ROCK1: variants seen among roughly 807,000 people sequenced by gnomAD.
The protein encoded by ROCK1 is Rho associated coiled-coil containing protein kinase 1.
ROCK1 carries 36 observed loss-of-function variants against 196.8 expected under a neutral mutation model. The ratio of observed to expected loss-of-function variants is 0.18; its 90% CI spans 0.14 to 0.24. The LOEUF (loss-of-function observed/expected upper bound fraction) is 0.24. ROCK1 is among the 10% of genes least tolerant of loss of function. The pLI is 1.00. For synonymous variants in ROCK1, 443 were observed against 515.9 expected, an observed-to-expected ratio of 0.86 and a Z score of 1.91; for missense variants, 920 against 1,562.0, an observed-to-expected ratio of 0.59 and a Z score of 6.93.
intron 20 of ROCK1, 133 bp downstream of exon 20, chr18:20,984,218 T>C (rs192342308): frequency 1.3e-4 from 89 of 666,024 alleles, no homozygotes; most frequent in East Asian, 1.1e-3. Flanking sequence ...TAAATTCTTT[T>C]ACTTCTAAAT....
intron 32 of ROCK1, among the ~76,000 whole-genome samples, chr18:20,952,805 G>T (rs2035203261): frequency 6.6e-6 from 1 of 151,752 alleles, no homozygotes; most frequent in Non-Finnish European, 1.5e-5. Flanking sequence ...AGGGGGTCAT[G>T]AGTTCACATC....
chr18:21,051,935 T>C (rs1004500961), intron 2 of ROCK1, among the ~76,000 whole-genome samples: 7 of 152,176 alleles, frequency 4.6e-5, no homozygotes, highest in African/African-American at 1.2e-4. Flanking sequence ...AGGAAATACG[T>C]AGAAGATGAG....
chr18:21,089,356 G>A (rs558447228), intron 1 of ROCK1, among the ~76,000 whole-genome samples: 10 of 152,198 alleles, frequency 6.6e-5, no homozygotes, highest in South Asian at 2.1e-4. Flanking sequence ...CACCGCAGCC[G>A]GCCTAAAACT....
At chr18:21,077,254 T>C (rs2036441205) in intron 1 of ROCK1, among the ~76,000 whole-genome samples, 1 of 151,818 alleles carries the variant, frequency 6.6e-6, no homozygotes, top group South Asian at 2.1e-4. Context: ...ATTACAGGCG[T>C]GAGCCACCGC....
chr18:20,959,531 T>A (rs1391570836), intron 29 of ROCK1, among the ~76,000 whole-genome samples: 1 of 151,178 alleles, frequency 6.6e-6, no homozygotes, highest in Non-Finnish European at 1.5e-5. Context: ...ATATTTTCTA[T>A]CCACAGTTGT....
Position 21,095,303 on chromosome 18 carries a change from T to C in ROCK1, c.93+15515A>G, listed in dbSNP as rs180882474. 1.5e-3 allele frequency among the ~76,000 whole-genome samples: 227 copies of C among 151,968 alleles called. 1 individual carries two copies. The highest frequency in any genetic ancestry group is 5.3e-3 in the African/African-American group (218 of 41,446). On this transcript the variant is annotated intron_variant, in intron 1 of 32. Transcript: ENST00000399799. ...ACCACTATGGAGAACAGTTTGGCGG[T>C]TCTTCAAAGAACTAATCAAACTACC...
chr18:20,963,786 G>A (rs754268929), intron 27 of ROCK1, among the ~76,000 whole-genome samples: 6 of 152,094 alleles, frequency 3.9e-5, no homozygotes, highest in Non-Finnish European at 7.4e-5. Flanking sequence ...ACCCATAACC[G>A]TAAGGGTAAT....
chr18:20,957,602 T>G (rs1404308834), intron 29 of ROCK1, among the ~76,000 whole-genome samples: 1 of 152,042 alleles, frequency 6.6e-6, no homozygotes, highest in Admixed American at 6.5e-5. Flanking sequence ...TGCCTCAGCC[T>G]CCCGAGTAGC....
intron 2 of ROCK1, among the ~76,000 whole-genome samples, chr18:21,063,204 G>A (rs1046810362): frequency 6.6e-5 from 10 of 151,920 alleles, no homozygotes; most frequent in South Asian, 2.1e-4. Context: ...ACTTCTTAAC[G>A]TCCCCACCTA....
At chr18:21,067,268 C>T (rs1031466156) in intron 2 of ROCK1, among the ~76,000 whole-genome samples, 1 of 151,502 alleles carries the variant, frequency 6.6e-6, no homozygotes, top group African/African-American at 2.4e-5. Flanking sequence ...TTAAACTGAA[C>T]TATTTGTCTT....
chr18:21,027,855 G>A (rs555872170), intron 10 of ROCK1, among the ~76,000 whole-genome samples: 1,508 of 132,354 alleles, frequency 0.011, 78 homozygotes, highest in Admixed American at 0.11. Context: ...TCCGCCTCCC[G>A]GGTTCACGCC....
chr18:20,959,217 T>C (rs1421279005), intron 29 of ROCK1, among the ~76,000 whole-genome samples: 1 of 84,536 alleles, frequency 1.2e-5, no homozygotes, highest in African/African-American at 4.6e-5. Flanking sequence ...ATAATATATA[T>C]ATTTTTTTTT....
intron 1 of ROCK1, among the ~76,000 whole-genome samples, chr18:21,090,174 G>A (rs1478836002): frequency 2.0e-5 from 3 of 152,196 alleles, no homozygotes; most frequent in Admixed American, 6.5e-5. Context: ...CTTGAATTAT[G>A]CAGCCAAATG....
At chr18:21,046,412 G>A (rs1404543066) in intron 4 of ROCK1, among the ~76,000 whole-genome samples, 3 of 152,004 alleles carry the variant, frequency 2.0e-5, no homozygotes, top group Non-Finnish European at 4.4e-5. Context: ...AATCCATAAA[G>A]TAACAGTGCA....
intron 9 of ROCK1, among the ~76,000 whole-genome samples, chr18:21,031,059 A>T (rs2036001741): frequency 6.6e-6 from 1 of 152,206 alleles, no homozygotes. Context: ...CATGACAAGG[A>T]ATACAGATTT....
Position 20,954,868 on chromosome 18 carries a change from G to A in ROCK1, c.3768C>T (p.Pro1256=), listed in dbSNP as rs757817280. The A allele has an allele frequency of 3.8e-5, 62 of 1,613,844 alleles. No individual in the cohort carries two copies. Among genetic ancestry groups the A allele is most frequent in the Non-Finnish European group, 5.1e-5 (60 of 1,179,866 alleles). Residue 1256 remains proline (P), a synonymous_variant, in exon 31 of 33, where the codon CCC becomes CCT. Transcript: ENST00000399799. ...GGCATCTTCGACACTCTAGGGCAGG[G>A]GGTGGCTTAAAAACATGCCAGAGAG... The part of the protein sequence containing the change: ...AKPLWHVFKP[P]PALECRRCHV...
chr18:20,968,926 A>T, intron 24 of ROCK1, 66 bp from the exon 25 acceptor site: 1 of 1,082,354 alleles, frequency 9.2e-7, no homozygotes. Flanking sequence ...TCAAACTAAC[A>T]ATGTCTTTAA....
chr18:20,978,137 A>T (rs1156854741), intron 22 of ROCK1, among the ~76,000 whole-genome samples: 1 of 152,192 alleles, frequency 6.6e-6, no homozygotes, highest in East Asian at 1.9e-4. Flanking sequence ...TCAAGTCAAC[A>T]AAGTTAAACA....
At chr18:21,021,384 G>C (rs192575980) in intron 11 of ROCK1, among the ~76,000 whole-genome samples, 2 of 152,260 alleles carry the variant, frequency 1.3e-5, no homozygotes, top group East Asian at 1.9e-4. Flanking sequence ...GTTAATAATT[G>C]AAAGTGAGCA....
Sources: gnomAD v4.1 joint callset for allele counts (sites outside exome capture counted in the v4.1 genomes callset) on GRCh38, gnomAD v4.1.1 for gene constraint, MANE v1.5 for transcripts, NCBI Gene and HGNC (gene_info 2026-07-23, HGNC 2026-07-21) for gene names.